The following PCDHA4 variants were observed in gnomAD, a reference collection of about 807,000 sequenced individuals.
PCDHA4 encodes the protein protocadherin alpha 4.
Under a neutral mutation model 61.4 loss-of-function variants are expected in PCDHA4, and 49 were observed. The ratio of observed to expected loss-of-function variants is 0.80; its 90% CI spans 0.63 to 1.01. The LOEUF is 1.01. Among genes scored for constraint, PCDHA4 ranks in the 50% least tolerant of loss-of-function variants. The pLI, the probability that PCDHA4 is intolerant of heterozygous loss-of-function variation, is 0.00. For missense variants in PCDHA4, 1,254 were observed against 1,235.8 expected, an observed-to-expected ratio of 1.01 and a Z score of -0.22; for synonymous variants, 590 against 550.3, an observed-to-expected ratio of 1.07 and a Z score of -1.01.
chr5:140,956,540 G>A (rs1356910892), intron 1 of PCDHA4, among the ~76,000 whole-genome samples: 1 of 152,186 alleles, frequency 6.6e-6, no homozygotes, highest in Non-Finnish European at 1.5e-5. Context: ...TGTGCTGCTG[G>A]ATTTGGTTTG....
chr5:140,841,809 G>T, intron 1 of PCDHA4: 1 of 1,613,904 alleles, frequency 6.2e-7, no homozygotes. Context: ...GCAGATGTTG[G>T]AGCTAACTCC....
chr5:140,815,100 G>A (rs1368331732), intron 1 of PCDHA4: 1 of 151,938 alleles, frequency 6.6e-6, no homozygotes, highest in Non-Finnish European at 1.5e-5. Context: ...CAAATCTCTT[G>A]TAGTTAGCAT....
At position 140,853,802 on chromosome 5, in the gene PCDHA4, G is replaced by T. The variant is rs10054866; in HGVS notation, c.2385+44230G>T. The T allele has an allele frequency of 3.5e-3, 3,416 of 986,938 alleles. 247 individuals are homozygous for T. The African/African-American group carries it at 0.056, about 16-fold the overall frequency. 61.1% of individuals were successfully genotyped at this position (986,938 alleles called of 1,614,324 possible). Reference sequence around the variant, plus strand: ...AGTAAGAGCAAATTTTCATTTTAAAGCACACCTGAGATGATTCTCATACAA... The same window carrying T: ...AGTAAGAGCAAATTTTCATTTTAAATCACACCTGAGATGATTCTCATACAA... On this transcript the variant is annotated intron_variant, in intron 1 of 3. Coordinates refer to ENST00000530339, the MANE Select transcript of PCDHA4 (RefSeq NM_018907.4).
At chr5:140,898,371 G>A (rs13156913) in intron 1 of PCDHA4, among the ~76,000 whole-genome samples, 3 of 152,142 alleles carry the variant, frequency 2.0e-5, no homozygotes, top group African/African-American at 7.2e-5. Flanking sequence ...TTTGTATAAG[G>A]TGTAAGGAAG....
In PCDHA4 at chr5:140,850,828, C is replaced by G. The variant is rs2150499866; in HGVS notation, c.2385+41256C>G. 6.3e-7 allele frequency: 1 copy of G among 1,598,230 alleles called. No homozygotes were observed. Among genetic ancestry groups the G allele is most frequent in the East Asian group, 2.2e-5 (1 of 44,856 alleles). On this transcript the variant is annotated intron_variant, in intron 1 of 3. Coordinates refer to ENST00000530339, the MANE Select transcript of PCDHA4 (RefSeq NM_018907.4). ...ATGGCCTTCAGCCCGGGCCTTTCTC[C>G]TTGTGCTGGATCTACAGAGCGAACG...
intron 1 of PCDHA4, among the ~76,000 whole-genome samples, chr5:140,935,777 T>C (rs1306193430): frequency 6.6e-6 from 1 of 152,190 alleles, no homozygotes; most frequent in African/African-American, 2.4e-5. Flanking sequence ...TTTGAGTTTT[T>C]TCACTTAAAA....
At chr5:140,855,165 T>C (rs1172731300) in intron 1 of PCDHA4, among the ~76,000 whole-genome samples, 1 of 149,930 alleles carries the variant, frequency 6.7e-6, no homozygotes, top group Non-Finnish European at 1.5e-5. Context: ...TTGAGCCTCA[T>C]GAAAACAAAT....
intron 1 of PCDHA4, chr5:140,969,495 C>A: frequency 7.0e-7 from 1 of 1,437,888 alleles, no homozygotes; most frequent in South Asian, 1.5e-5. Flanking sequence ...TATTTCCTCT[C>A]TAGAAAAATA....
rs1554125172 is a variant in PCDHA4, at chr5:140,809,376, G to A, written c.2189G>A (p.Gly730Asp). 6.2e-7 allele frequency: 1 copy of A among 1,614,034 alleles called. No individual in the cohort carries two copies. The highest frequency in any genetic ancestry group is 1.1e-5 in the South Asian group (1 of 91,058). ...ALRCSALPTE[G>D]ACAPGKPTLV... is the part of the protein sequence containing the mutation. ...CGGTGCTCTGCGCTGCCCACCGAGG[G>A]CGCGTGCGCTCCGGGCAAGCCCACG... The change falls in exon 1 of 4, where the codon GGC (glycine) becomes GAC (aspartate). Residue 730 changes from glycine to aspartate, a missense_variant. Transcript: ENST00000530339.
At chr5:140,882,070 C>A in intron 1 of PCDHA4, 1 of 854,286 alleles carries the variant, frequency 1.2e-6, no homozygotes, top group Non-Finnish European at 1.8e-6. Context: ...CGTTCATGCG[C>A]ATGGTGTCGC....
At chr5:140,856,280 C>T in intron 1 of PCDHA4, 1 of 1,598,442 alleles carries the variant, frequency 6.3e-7, no homozygotes, top group Non-Finnish European at 8.6e-7. Context: ...GGAGGTAAAT[C>T]TGCAGAATGG....
intron 1 of PCDHA4, chr5:140,857,451 C>T (rs782451627): frequency 1.3e-6 from 2 of 1,598,488 alleles, no homozygotes; most frequent in Non-Finnish European, 1.7e-6. Flanking sequence ...GAGAACAACC[C>T]GCCAGGCTGC....
Position 140,842,573 on chromosome 5 carries a change from G to A in PCDHA4, c.2385+33001G>A, listed in dbSNP as rs1190804367. The A allele has an allele frequency of 6.6e-6, 10 of 1,507,924 alleles. 1 individual carries two copies. In the African/African-American group the frequency reaches 7.3e-5, roughly 11 times the overall value. 93.4% of individuals were successfully genotyped at this position (1,507,924 alleles called of 1,614,324 possible). A position where few individuals can be genotyped will look rare whatever the true frequency, so the allele number is the denominator to read the frequency against. On this transcript the variant is annotated intron_variant, in intron 1 of 3. Transcript: ENST00000530339. ...GGACAGCGCCCTGGACCGCGAGAGA[G>A]TGTCGGCCTATGAGTTGGTGGTAAC...
At chr5:140,881,323 T>C in intron 1 of PCDHA4, 1 of 984,214 alleles carries the variant, frequency 1.0e-6, no homozygotes, top group South Asian at 4.7e-5. Flanking sequence ...AAATTCTATT[T>C]AACCAGGACG....
At position 140,977,800 on chromosome 5, in the gene PCDHA4, T is replaced by G. The variant is rs572772764; in HGVS notation, c.2386-1149T>G. On this transcript the variant is annotated intron_variant, in intron 1 of 3. Coordinates refer to ENST00000530339, the MANE Select transcript of PCDHA4 (RefSeq NM_018907.4). Reference sequence around the variant, plus strand: ...AAAGGAACTATATGAATGATAGGAATAAGAATTATTGACAGTTTTGAATGG... The same window carrying G: ...AAAGGAACTATATGAATGATAGGAAGAAGAATTATTGACAGTTTTGAATGG... Among the ~76,000 whole-genome samples, 3 of 152,356 alleles carry G rather than the reference T, an allele frequency of 2.0e-5. No individual in the cohort carries two copies. In the East Asian group the frequency reaches 5.8e-4, roughly 29 times the overall value.
rs199809889 is a variant in PCDHA4, at chr5:140,883,348, A to C, written c.2385+73776A>C. On this transcript the variant is annotated intron_variant, in intron 1 of 3. Transcript: ENST00000530339. ...TCACTTCTTTGTCACTCCCCATCAGAGAAGACACTCAGCCTAGCGCCATTA... is the reference window on the plus strand; with the variant it reads ...TCACTTCTTTGTCACTCCCCATCAGCGAAGACACTCAGCCTAGCGCCATTA... The C allele has an allele frequency of 1.9e-6, 3 of 1,614,172 alleles. No homozygotes were observed. In the African/African-American group the frequency reaches 4.0e-5, roughly 22 times the overall value.
intron 1 of PCDHA4, among the ~76,000 whole-genome samples, chr5:140,972,097 T>C (rs1554233843): frequency 1.3e-5 from 2 of 152,196 alleles, no homozygotes; most frequent in South Asian, 2.1e-4. Context: ...ATTTCTGGCA[T>C]AGAAGCAGGT....
At chr5:140,819,081 G>A (rs2150103070) in intron 1 of PCDHA4, among the ~76,000 whole-genome samples, 416 of 152,236 alleles carry the variant, frequency 2.7e-3, no homozygotes, top group African/African-American at 9.5e-3. Context: ...TACAGGCAGC[G>A]CTAAGATGTG....
Position 140,868,506 on chromosome 5 carries a change from A to T in PCDHA4, c.2385+58934A>T, listed in dbSNP as rs1250178704. 3 of 152,422 alleles carry T rather than the reference A, an allele frequency of 2.0e-5. No individual in the cohort carries two copies. The East Asian group carries it at 5.8e-4, about 29-fold the overall frequency. 9.4% of individuals were successfully genotyped at this position (152,422 alleles called of 1,614,324 possible). On this transcript the variant is annotated intron_variant, in intron 1 of 3. Transcript: ENST00000530339. ...TTTTCTTTGAGTTCCCTAGCAGCCA[A>T]AGTAACAAGGGAGACTGAAAGTAAA... is the stretch of plus-strand genomic sequence containing the variant.
Sources: allele counts gnomAD v4.1 joint callset (sites outside exome capture counted in the v4.1 genomes callset), GRCh38; gene constraint gnomAD v4.1.1; transcripts MANE v1.5; gene names NCBI Gene and HGNC (gene_info 2026-07-23, HGNC 2026-07-21).